Variants in FAAH2 observed in about 807,000 individuals in gnomAD.
The protein encoded by FAAH2 is fatty acid amide hydrolase 2, also known as fatty-acid amide hydrolase 2.
In FAAH2, 60 loss-of-function variants were observed where a neutral mutation model predicts 36.9. The observed-to-expected ratio is 1.63, with a 90% CI of 1.32 to 2.02. FAAH2 has a LOEUF of 2.02. Among genes scored for constraint, FAAH2 ranks in the 30% most tolerant of loss-of-function variants. The probability of loss-of-function intolerance (pLI) is 0.00; values close to 1 mark genes in which losing one functional copy is unlikely to be tolerated. For missense variants in FAAH2, 689 were observed against 397.5 expected (o/e 1.73, Z -6.23); for synonymous variants, 214 against 143.8 (o/e 1.49, Z -3.49).
the FAAH2 span, among the ~76,000 whole-genome samples, chrX:57,192,280 T>A: frequency 1.8e-5 from 2 of 112,233 alleles, no homozygotes; most frequent in South Asian, 7.3e-4. Flanking sequence ...CATATAAATA[T>A]GCAACTGATT....
chrX:57,209,704 C>A, the FAAH2 span, among the ~76,000 whole-genome samples: 1 of 111,513 alleles, frequency 9.0e-6, no homozygotes, highest in Non-Finnish European at 1.9e-5. Context: ...AGTAGGTCAT[C>A]TGCGCCACCT....
At chrX:57,292,406 G>T (rs1443057096) in intron 1 of FAAH2, 92 bp from the exon 2 acceptor site, 5 of 793,417 alleles carry the variant, frequency 6.3e-6, no homozygotes, top group South Asian at 2.7e-5. Flanking sequence ...CTCAAAAAAT[G>T]ATTAATGTAC....
the FAAH2 span, among the ~76,000 whole-genome samples, chrX:57,250,773 A>T: frequency 9.0e-6 from 1 of 110,805 alleles, no homozygotes; most frequent in African/African-American, 3.3e-5. Flanking sequence ...ATAAAAAAAA[A>T]ACTAAGAAAC....
At chrX:57,329,384 G>T (rs2053328598) in intron 3 of FAAH2, among the ~76,000 whole-genome samples, 2 of 111,194 alleles carry the variant, frequency 1.8e-5, no homozygotes, top group African/African-American at 6.5e-5. Context: ...TCCTGTAGGT[G>T]GCAGTGGCTA....
At chrX:57,322,268 G>A (rs1252862897) in intron 3 of FAAH2, among the ~76,000 whole-genome samples, 1 of 111,862 alleles carries the variant, frequency 8.9e-6, no homozygotes, top group African/African-American at 3.3e-5. Context: ...GGGATTACAG[G>A]TGTGAGCCAC....
chrX:57,124,434 G>A, the FAAH2 span, among the ~76,000 whole-genome samples: 390 of 111,790 alleles, frequency 3.5e-3, 1 homozygote, highest in African/African-American at 0.012. Context: ...AAGTCAGGTA[G>A]CGTGATGCCT....
chrX:57,199,380 A>T, the FAAH2 span, among the ~76,000 whole-genome samples: 3 of 110,600 alleles, frequency 2.7e-5, no homozygotes, highest in Non-Finnish European at 5.7e-5. Flanking sequence ...ATTTCTGTGT[A>T]TTTGTACAGT....
At chrX:57,442,811 A>G (rs941389492) in intron 8 of FAAH2, among the ~76,000 whole-genome samples, 1 of 111,500 alleles carries the variant, frequency 9.0e-6, no homozygotes, top group Non-Finnish European at 1.9e-5. Context: ...CCTGGTGGTG[A>G]CAAAATCTCT....
chrX:57,214,121 A>G, the FAAH2 span, among the ~76,000 whole-genome samples: 1 of 110,121 alleles, frequency 9.1e-6, no homozygotes, highest in African/African-American at 3.3e-5. Flanking sequence ...AAGTATAGCT[A>G]CTCTTCTTTA....
the FAAH2 span, among the ~76,000 whole-genome samples, chrX:57,162,955 A>G: frequency 8.9e-6 from 1 of 112,020 alleles, no homozygotes; most frequent in African/African-American, 3.2e-5. Context: ...TAGAGTTTCC[A>G]GTTTTTCTGT....
intron 4 of FAAH2, among the ~76,000 whole-genome samples, chrX:57,334,298 A>ACACACACACACACAC (rs1569269177): frequency 4.6e-5 from 5 of 109,831 alleles, no homozygotes; most frequent in South Asian, 3.9e-4. Context: ...ACACACACAC[A>ACACACACACACACAC]AAGATGGGAG....
the FAAH2 span, among the ~76,000 whole-genome samples, chrX:57,128,716 A>G: frequency 8.9e-6 from 1 of 112,190 alleles, no homozygotes; most frequent in Non-Finnish European, 1.9e-5. Flanking sequence ...TAAAATTGTC[A>G]TGCAATAATT....
intron 3 of FAAH2, among the ~76,000 whole-genome samples, chrX:57,321,657 G>A (rs1430654669): frequency 3.6e-5 from 4 of 110,070 alleles, no homozygotes; most frequent in African/African-American, 1.3e-4. Context: ...ATGTAATATG[G>A]GTGTGTTGAA....
At chrX:57,222,840 C>T in the FAAH2 span, among the ~76,000 whole-genome samples, 3 of 111,379 alleles carry the variant, frequency 2.7e-5, no homozygotes, top group Non-Finnish European at 5.7e-5. Context: ...TTTCCAGATG[C>T]CCCCTTTACT....
chrX:57,259,559 T>C, the FAAH2 span, among the ~76,000 whole-genome samples: 1 of 112,134 alleles, frequency 8.9e-6, no homozygotes, highest in Admixed American at 9.5e-5. Context: ...TTTCCACTTA[T>C]ATGTGAAATC....
chrX:57,478,837 A>G (rs1382967947), intron 10 of FAAH2, among the ~76,000 whole-genome samples: 1 of 111,407 alleles, frequency 9.0e-6, no homozygotes, highest in Non-Finnish European at 1.9e-5. Context: ...GTTCTGTTCC[A>G]TTGATGTATA....
the FAAH2 span, among the ~76,000 whole-genome samples, chrX:57,122,578 A>G: frequency 2.4e-3 from 269 of 112,682 alleles, 1 homozygote; most frequent in Middle Eastern, 9.2e-3. Flanking sequence ...TTATTTAAAT[A>G]TTTTGAGAAA....
chrX:57,256,996 C>A, the FAAH2 span, among the ~76,000 whole-genome samples: 215 of 111,936 alleles, frequency 1.9e-3, no homozygotes, highest in Non-Finnish European at 3.2e-3. Context: ...TAATGAGATA[C>A]CATCTCACAC....
At chrX:57,392,962 T>C in intron 7 of FAAH2, 1 of 917,258 alleles carries the variant, frequency 1.1e-6, no homozygotes, top group South Asian at 2.0e-5. Context: ...TTCTGTGCAA[T>C]GATCCTGATT....
Sources: gnomAD v4.1 joint callset for allele counts (sites outside exome capture counted in the v4.1 genomes callset) on GRCh38, gnomAD v4.1.1 for gene constraint, MANE v1.5 for transcripts, NCBI Gene and HGNC (gene_info 2026-07-23, HGNC 2026-07-21) for gene names.